Variants in NOX4 observed in about 807,000 individuals in gnomAD.
NOX4 encodes the protein NADPH oxidase 4.
NOX4 carries 69 observed loss-of-function variants against 87.6 expected under a neutral mutation model. The observed-to-expected ratio is 0.79, with a 90% CI of 0.65 to 0.96. NOX4 has a LOEUF of 0.96. Ranked by LOEUF, NOX4 falls within the 40% of genes least tolerant of loss-of-function variation. The pLI, the probability that NOX4 is intolerant of heterozygous loss-of-function variation, is 0.00. For synonymous variants in NOX4, 275 were observed against 238.2 expected, an observed-to-expected ratio of 1.15 and a Z score of -1.42; for missense variants, 680 against 681.5, an observed-to-expected ratio of 1.00 and a Z score of 0.02.
At chr11:89,438,956 T>C (rs1486254119) in intron 6 of NOX4, among the ~76,000 whole-genome samples, 1 of 88,904 alleles carries the variant, frequency 1.1e-5, no homozygotes, top group Non-Finnish European at 2.1e-5. Flanking sequence ...ATTTTATATA[T>C]AATAATATAT....
At chr11:89,545,941 C>T in the NOX4 span, among the ~76,000 whole-genome samples, 1 of 152,152 alleles carries the variant, frequency 6.6e-6, no homozygotes, top group Non-Finnish European at 1.5e-5. Context: ...TGACTTATGG[C>T]ACACCCATCA....
At chr11:89,348,899 C>T (rs1946329758) in intron 13 of NOX4, among the ~76,000 whole-genome samples, 1 of 152,224 alleles carries the variant, frequency 6.6e-6, no homozygotes, top group East Asian at 1.9e-4. Context: ...AACAGTACTA[C>T]CTAACTTATA....
chr11:89,342,223 A>G (rs770147108), intron 13 of NOX4, 30 bp from the exon 14 acceptor site: 1 of 1,583,806 alleles, frequency 6.3e-7, no homozygotes, highest in Admixed American at 1.8e-5. Flanking sequence ...AGGTGGGAAA[A>G]AAATGAAAAT....
chr11:89,444,505 A>T (rs1944600550), intron 4 of NOX4, among the ~76,000 whole-genome samples: 2 of 142,390 alleles, frequency 1.4e-5, no homozygotes, highest in South Asian at 4.5e-4. Flanking sequence ...ACACACACAC[A>T]TCCTCCCCCT....
intron 3 of NOX4, among the ~76,000 whole-genome samples, chr11:89,450,923 T>G (rs1944928394): frequency 6.6e-6 from 1 of 151,630 alleles, no homozygotes; most frequent in Non-Finnish European, 1.5e-5. Context: ...GGGACATGGA[T>G]GAAGCTGGAA....
the NOX4 span, among the ~76,000 whole-genome samples, chr11:89,528,653 T>A: frequency 1.3e-5 from 2 of 152,192 alleles, no homozygotes; most frequent in Non-Finnish European, 2.9e-5. Flanking sequence ...GTGAAGAAGG[T>A]ACCTCGCTTC....
intron 2 of NOX4, among the ~76,000 whole-genome samples, chr11:89,458,401 G>A (rs1945301215): frequency 6.6e-6 from 1 of 152,146 alleles, no homozygotes; most frequent in South Asian, 2.1e-4. Flanking sequence ...CATAGACCTT[G>A]GCAAAGATTT....
At chr11:89,476,332 A>G (rs1490909856) in intron 2 of NOX4, among the ~76,000 whole-genome samples, 1 of 152,092 alleles carries the variant, frequency 6.6e-6, no homozygotes, top group African/African-American at 2.4e-5. Context: ...TTAAATGGTT[A>G]CTATTATGCG....
At chr11:89,357,177 A>T (rs1227497947) in intron 12 of NOX4, among the ~76,000 whole-genome samples, 1 of 152,024 alleles carries the variant, frequency 6.6e-6, no homozygotes, top group Non-Finnish European at 1.5e-5. Context: ...CATATTTATT[A>T]AAACATACTG....
intron 11 of NOX4, among the ~76,000 whole-genome samples, chr11:89,396,738 G>T (rs1026531690): frequency 2.6e-5 from 4 of 152,126 alleles, no homozygotes; most frequent in African/African-American, 9.7e-5. Context: ...TTACATAATG[G>T]TAAAGGGATC....
At chr11:89,417,330 T>G (rs1366868076) in intron 8 of NOX4, among the ~76,000 whole-genome samples, 1 of 152,172 alleles carries the variant, frequency 6.6e-6, no homozygotes, top group African/African-American at 2.4e-5. Flanking sequence ...GAAAGAGATA[T>G]CCAGTTCTAT....
intron 11 of NOX4, among the ~76,000 whole-genome samples, chr11:89,391,568 C>A (rs1941123569): frequency 6.6e-6 from 1 of 151,292 alleles, no homozygotes; most frequent in Non-Finnish European, 1.5e-5. Flanking sequence ...TTAGCCTGGG[C>A]AACATAGCGA....
chr11:89,570,846 T>C, the NOX4 span, among the ~76,000 whole-genome samples: 1 of 152,172 alleles, frequency 6.6e-6, no homozygotes, highest in Non-Finnish European at 1.5e-5. Flanking sequence ...AAACAAATAG[T>C]ATGGTTTATT....
chr11:89,554,908 C>T, the NOX4 span, among the ~76,000 whole-genome samples: 1 of 151,468 alleles, frequency 6.6e-6, no homozygotes, highest in African/African-American at 2.4e-5. Flanking sequence ...GTCTGCTGTC[C>T]ATTTAAATTT....
intron 11 of NOX4, among the ~76,000 whole-genome samples, chr11:89,378,623 A>G (rs575231404): frequency 4.6e-5 from 7 of 152,318 alleles, no homozygotes; most frequent in African/African-American, 1.7e-4. Context: ...TATCAATGGA[A>G]TAGTAAATAC....
intron 8 of NOX4, among the ~76,000 whole-genome samples, chr11:89,408,763 A>G (rs1293058119): frequency 1.3e-5 from 2 of 152,134 alleles, no homozygotes; most frequent in African/African-American, 4.8e-5. Flanking sequence ...GTGCAGGTGC[A>G]CCGGACCTTG....
In NOX4 at chr11:89,340,034, T is replaced by C. The variant is rs368479725; in HGVS notation, c.1446+29A>G. ...CTATAACATTTTTAATTTGAAAAAT[T>C]GCAAAACTAGAACCAACCCTAATGT... On this transcript the variant is annotated intron_variant, in intron 15 of 17. Coordinates refer to ENST00000263317, the MANE Select transcript of NOX4 (RefSeq NM_016931.5). The C allele has an allele frequency of 2.2e-4, 270 of 1,237,070 alleles. 2 individuals carry two copies. Among genetic ancestry groups the C allele is most frequent in the Non-Finnish European group, 2.4e-4 (214 of 899,442 alleles). 76.6% of individuals were successfully genotyped at this position (1,237,070 alleles called of 1,614,324 possible). A position where few individuals can be genotyped will look rare whatever the true frequency, so the allele number is the denominator to read the frequency against.
At chr11:89,424,374 C>G (rs1943257443) in intron 7 of NOX4, among the ~76,000 whole-genome samples, 1 of 149,110 alleles carries the variant, frequency 6.7e-6, no homozygotes, top group Admixed American at 6.6e-5. Context: ...TAATAATTAC[C>G]ATTATTTCCA....
chr11:89,524,378 C>G, the NOX4 span, among the ~76,000 whole-genome samples: 3 of 152,116 alleles, frequency 2.0e-5, no homozygotes, highest in Non-Finnish European at 4.4e-5. Flanking sequence ...CTAACAAGTA[C>G]TGAGTACCTT....
Sources: allele counts gnomAD v4.1 joint callset (sites outside exome capture counted in the v4.1 genomes callset), GRCh38; gene constraint gnomAD v4.1.1; transcripts MANE v1.5; gene names NCBI Gene and HGNC (gene_info 2026-07-23, HGNC 2026-07-21).